CHRNA2: variants seen among roughly 807,000 people sequenced by gnomAD.
CHRNA2 encodes neuronal acetylcholine receptor subunit alpha-2.
A neutral mutation model predicts 45.5 loss-of-function variants in CHRNA2; 40 were observed. The observed-to-expected ratio is 0.88, with a 90% CI of 0.68 to 1.15. The LOEUF (loss-of-function observed/expected upper bound fraction) is 1.15, where lower values mean the gene tolerates loss of function less well. Among genes scored for constraint, CHRNA2 ranks in the 50% most tolerant of loss-of-function variants. The pLI is 0.00. For synonymous variants in CHRNA2, 301 were observed against 296.7 expected, an observed-to-expected ratio of 1.01 and a Z score of -0.15; for missense variants, 655 against 701.7, an observed-to-expected ratio of 0.93 and a Z score of 0.75.
rs1812444517 is a variant in CHRNA2, at chr8:27,460,611, T to G, written c.*1018A>C. On this transcript the variant is annotated 3_prime_UTR_variant, in exon 7 of 7. Coordinates refer to ENST00000407991, the MANE Select transcript of CHRNA2 (RefSeq NM_000742.4). Reference sequence around the variant, plus strand: ...GGAACTAAAGGCAAAGATCTTCAACTCCCAAGTGAGGCCTCCTCCTGATGG... The same window carrying G: ...GGAACTAAAGGCAAAGATCTTCAACGCCCAAGTGAGGCCTCCTCCTGATGG... The G allele has an allele frequency of 6.6e-6, 1 of 152,006 alleles. No homozygotes were observed. The highest frequency in any genetic ancestry group is 2.1e-4 in the South Asian group (1 of 4,820). The allele number at this position is 152,006 out of a possible 1,614,324, so 9.4% of individuals were successfully genotyped here. A position where few individuals can be genotyped will look rare whatever the true frequency, so the allele number is the denominator to read the frequency against.
chr8:27,463,605 A>T lies in CHRNA2; in HGVS notation c.838T>A (p.Ser280Thr). ...TAGAAGACCAGCACAGTGAGGCAGG[A>T]GATGAGCAGGCAGGGGATGATGAGG... The part of the protein sequence containing the change: ...INLIIPCLLI[S>T]CLTVLVFYLP... Residue 280 changes from serine (S) to threonine (T), a missense_variant, in exon 6 of 7, where the codon TCC becomes ACC. Around this residue, in one of 3 missense-constraint regions of CHRNA2, gnomAD observed 37 missense variants for 66.8 expected, o/e 0.55. Coordinates refer to ENST00000407991, the MANE Select transcript of CHRNA2 (RefSeq NM_000742.4). The surrounding 1 kb of genome is among the most constrained non-coding windows in gnomAD (Gnocchi z 6.1). The T allele has an allele frequency of 6.2e-7, 1 of 1,614,166 alleles. No homozygotes were observed. Among genetic ancestry groups the T allele is most frequent in the Non-Finnish European group, 8.5e-7 (1 of 1,180,026 alleles).
intron 1 of CHRNA2, among the ~76,000 whole-genome samples, chr8:27,471,887 A>C (rs1211217441): frequency 6.6e-6 from 1 of 152,198 alleles, no homozygotes; most frequent in Non-Finnish European, 1.5e-5. Flanking sequence ...GGGGCTGGTC[A>C]CAGGAAGACA....
At chr8:27,472,340 G>T (rs1812912830) in intron 1 of CHRNA2, among the ~76,000 whole-genome samples, 1 of 152,150 alleles carries the variant, frequency 6.6e-6, no homozygotes. Flanking sequence ...TGACATTGGG[G>T]GGCAGTGTTG....
chr8:27,470,474 G>A (rs755930940), intron 2 of CHRNA2, among the ~76,000 whole-genome samples: 1 of 152,224 alleles, frequency 6.6e-6, no homozygotes, highest in African/African-American at 2.4e-5. Context: ...TAAACCATGG[G>A]CATTTGCCAC....
chr8:27,471,147 C>A lies in CHRNA2; in HGVS notation c.-89G>T. The A allele has an allele frequency of 7.9e-7, 1 of 1,267,136 alleles. No individual in the cohort carries two copies. The highest frequency in any genetic ancestry group is 1.1e-6 in the Non-Finnish European group (1 of 874,960). The allele number at this position is 1,267,136 out of a possible 1,614,324, so 78.5% of individuals were successfully genotyped here. A position where few individuals can be genotyped will look rare whatever the true frequency, so the allele number is the denominator to read the frequency against. ...TCCCCAGCAGAGCTGCTGCTGGATT[C>A]TGTGAGGATTCTGCTGGATTCTGCG... On this transcript the variant is annotated 5_prime_UTR_variant, in exon 2 of 7. Transcript: ENST00000407991.
At chr8:27,477,914 A>T (rs1586409326) in intron 1 of CHRNA2, among the ~76,000 whole-genome samples, 1 of 150,378 alleles carries the variant, frequency 6.6e-6, no homozygotes, top group Non-Finnish European at 1.5e-5. Context: ...GTTCCAGGCC[A>T]CCCCCACCCC....
intron 6 of CHRNA2, among the ~76,000 whole-genome samples, chr8:27,462,577 A>G (rs1298488995): frequency 6.6e-6 from 1 of 152,178 alleles, no homozygotes; most frequent in Admixed American, 6.5e-5. Flanking sequence ...TCCAAGACAA[A>G]AGACAAAGGC....
intron 1 of CHRNA2, among the ~76,000 whole-genome samples, chr8:27,474,097 G>A (rs900003521): frequency 2.6e-5 from 4 of 152,272 alleles, no homozygotes; most frequent in South Asian, 2.1e-4. Flanking sequence ...GAAAGTCCCC[G>A]GGGAACTGCA....
At chr8:27,467,011 T>G (rs765202885) in intron 5 of CHRNA2, among the ~76,000 whole-genome samples, 3 of 152,216 alleles carry the variant, frequency 2.0e-5, no homozygotes, top group Non-Finnish European at 4.4e-5. Context: ...CAGGCACTGA[T>G]ACCTAAAAGG....
intron 6 of CHRNA2, among the ~76,000 whole-genome samples, chr8:27,462,496 G>T (rs1812526845): frequency 6.6e-6 from 1 of 152,200 alleles, no homozygotes; most frequent in African/African-American, 2.4e-5. Flanking sequence ...AATCTGCAGG[G>T]TTTATGGTTG....
Position 27,463,450 on chromosome 8 carries a change from G to C in CHRNA2, c.993C>G (p.Tyr331Ter), listed in dbSNP as rs143360318. 4 of 1,614,086 alleles carry C rather than the reference G, an allele frequency of 2.5e-6. No individual in the cohort carries two copies. The highest frequency in any genetic ancestry group is 3.4e-6 in the Non-Finnish European group (4 of 1,180,044). The change falls in exon 6 of 7, where the codon TAC becomes TAG. Residue 331 changes from tyrosine (Y) to a stop codon, truncating the protein, a stop_gained. Coordinates refer to ENST00000407991, the MANE Select transcript of CHRNA2 (RefSeq NM_000742.4). LOFTEE classifies it high-confidence loss of function. This position sits in a 1 kb window ranked among gnomAD's most constrained non-coding sequence, Gnocchi z 6.1. ...TGACGAAGATCATGGTGAACAGCAG[G>C]TACTCGCCGATGAGCGGGATGACCA... ...TSLVIPLIGE[Y>*]LLFTMIFVTL...
intron 4 of CHRNA2, among the ~76,000 whole-genome samples, chr8:27,468,284 C>T (rs1384447567): frequency 1.3e-5 from 2 of 152,204 alleles, no homozygotes; most frequent in Non-Finnish European, 1.5e-5. Context: ...GGCCTGCCTC[C>T]CTGCACACAT....
At chr8:27,472,492 G>C (rs1812918939) in intron 1 of CHRNA2, among the ~76,000 whole-genome samples, 1 of 152,276 alleles carries the variant, frequency 6.6e-6, no homozygotes, top group Middle Eastern at 3.4e-3. Flanking sequence ...ATCTTTGGGG[G>C]GTCACAGAAG....
Position 27,460,619 on chromosome 8 carries a change from G to A in CHRNA2, c.*1010C>T, listed in dbSNP as rs963499965. 6.6e-6 allele frequency: 1 copy of A among 152,278 alleles called. No individual in the cohort carries two copies. Among genetic ancestry groups the A allele is most frequent in the Admixed American group, 6.5e-5 (1 of 15,290 alleles). The allele number at this position is 152,278 out of a possible 1,614,324, so 9.4% of individuals were successfully genotyped here. A position where few individuals can be genotyped will look rare whatever the true frequency, so the allele number is the denominator to read the frequency against. On this transcript the variant is annotated 3_prime_UTR_variant, in exon 7 of 7. Coordinates refer to ENST00000407991, the MANE Select transcript of CHRNA2 (RefSeq NM_000742.4). The stretch of plus-strand genomic sequence containing the variant: ...AGGCAAAGATCTTCAACTCCCAAGT[G>A]AGGCCTCCTCCTGATGGAGCCAGGC...
At position 27,467,403 on chromosome 8, in the gene CHRNA2, C is replaced by T. The variant is rs934525432; in HGVS notation, c.340-65G>A. 8 of 1,314,612 alleles carry T rather than the reference C, an allele frequency of 6.1e-6. No individual in the cohort carries two copies. The African/African-American group carries it at 1.2e-4, about 19-fold the overall frequency. 81.4% of individuals were successfully genotyped at this position (1,314,612 alleles called of 1,614,324 possible). ...GGAGCAGCCTAGGGCAAAGCTAGCA[C>T]ACCCCGGGGATGCCCAGAATTGGGC... On this transcript the variant is annotated intron_variant, in intron 4 of 6. Transcript: ENST00000407991.
Position 27,471,136 on chromosome 8 carries a change from G to C in CHRNA2, c.-78C>G, listed in dbSNP as rs886062845. ...CATGGACCATGTCCCCAGCAGAGCT[G>C]CTGCTGGATTCTGTGAGGATTCTGC... On this transcript the variant is annotated 5_prime_UTR_variant, in exon 2 of 7. Coordinates refer to ENST00000407991, the MANE Select transcript of CHRNA2 (RefSeq NM_000742.4). 79 of 1,323,878 alleles carry C rather than the reference G, an allele frequency of 6.0e-5. No homozygotes were observed. Among genetic ancestry groups the C allele is most frequent in the Non-Finnish European group, 8.0e-5 (74 of 922,740 alleles). The allele number at this position is 1,323,878 out of a possible 1,614,324, so 82.0% of individuals were successfully genotyped here.
Position 27,463,689 on chromosome 8 carries a change from A to T in CHRNA2, c.754T>A (p.Tyr252Asn), listed in dbSNP as rs929539214. 3.1e-6 allele frequency: 5 copies of T among 1,613,944 alleles called. No individual in the cohort carries two copies. The highest frequency in any genetic ancestry group is 4.2e-6 in the Non-Finnish European group (5 of 1,180,016). The stretch of plus-strand genomic sequence containing the variant: ...ACGAAGGCGTAGGTGACGTCGGGGT[A>T]GATCTCGGCGCAGCAGTCGTACTTC... Reference protein sequence around the residue: ...SKKYDCCAEIYPDVTYAFVIR... With the variant: ...SKKYDCCAEINPDVTYAFVIR... The change falls in exon 6 of 7, where the codon TAC becomes AAC. Residue 252 changes from tyrosine (Y) to asparagine (N), a missense_variant. Physicochemically the swap from Tyr to Asn is moderately radical, Grantham distance 143. Around this residue, in one of 3 missense-constraint regions of CHRNA2, gnomAD observed 323 missense variants for 354.4 expected, o/e 0.91. Transcript: ENST00000407991. The surrounding 1 kb of genome is among the most constrained non-coding windows in gnomAD (Gnocchi z 6.1).
rs1303448820 is a variant in CHRNA2, at chr8:27,466,076, C to T, written c.449+1153G>A. On this transcript the variant is annotated intron_variant, in intron 5 of 6. Coordinates refer to ENST00000407991, the MANE Select transcript of CHRNA2 (RefSeq NM_000742.4). ...GACCCTGGGTGCCAGCTATGGGGCA[C>T]AGAGATACGACAGGGTGGGGAGTTC... Among the ~76,000 whole-genome samples, 4 of 152,284 alleles carry T rather than the reference C, an allele frequency of 2.6e-5. No individual in the cohort carries two copies. The South Asian group carries it at 6.2e-4, about 24-fold the overall frequency.
rs756175616 is a variant in CHRNA2, at chr8:27,463,880, G to T, written c.563C>A (p.Thr188Asn). The T allele has an allele frequency of 2.5e-6, 4 of 1,614,086 alleles. No individual in the cohort carries two copies. The highest frequency in any genetic ancestry group is 3.4e-6 in the Non-Finnish European group (4 of 1,180,056). The change falls in exon 6 of 7, where the codon ACC (threonine) becomes AAC (asparagine). Residue 188 changes from threonine to asparagine, a missense_variant. This residue lies in a region of CHRNA2 where 323 missense variants were observed against 354.4 expected (regional missense o/e 0.91). Coordinates refer to ENST00000407991, the MANE Select transcript of CHRNA2 (RefSeq NM_000742.4). The surrounding 1 kb of genome is among the most constrained non-coding windows in gnomAD (Gnocchi z 6.1). ...IYKSSCSIDV[T>N]FFPFDQQNCK... Reference sequence around the variant, plus strand: ...GTTCTGCTGGTCGAAGGGGAAGAAGGTGACGTCGATGCTGCAGGAGCTCTT... The same window carrying T: ...GTTCTGCTGGTCGAAGGGGAAGAAGTTGACGTCGATGCTGCAGGAGCTCTT...
Sources: allele counts gnomAD v4.1 joint callset (sites outside exome capture counted in the v4.1 genomes callset), GRCh38; gene constraint gnomAD v4.1.1; regional missense constraint gnomAD v4.1.1; non-coding constraint Gnocchi (gnomAD v3.1); transcripts MANE v1.5; gene names NCBI Gene and HGNC (gene_info 2026-07-23, HGNC 2026-07-21).